The following DHX9 variants were observed in gnomAD, a reference collection of about 807,000 sequenced individuals.
The protein encoded by DHX9 is ATP-dependent RNA helicase A.
In DHX9, 27 loss-of-function variants were observed where a neutral mutation model predicts 148.7. The ratio of observed to expected loss-of-function variants is 0.18; its 90% CI spans 0.13 to 0.25. The LOEUF (loss-of-function observed/expected upper bound fraction) is 0.25. Ranked by LOEUF, DHX9 falls within the 10% of genes least tolerant of loss-of-function variation. The pLI is 1.00. For synonymous variants in DHX9, 529 were observed against 516.6 expected (o/e 1.02, Z -0.33); for missense variants, 796 against 1,559.6 (o/e 0.51, Z 8.25).
At chr1:182,869,682 C>T (rs934797307) in intron 14 of DHX9, among the ~76,000 whole-genome samples, 3 of 152,214 alleles carry the variant, frequency 2.0e-5, no homozygotes, top group African/African-American at 7.2e-5. Flanking sequence ...GGCATCTCAG[C>T]TCACTGCAAC....
chr1:182,846,303 T>A (rs1668028254), intron 3 of DHX9, among the ~76,000 whole-genome samples: 1 of 151,930 alleles, frequency 6.6e-6, no homozygotes, highest in Admixed American at 6.6e-5. Flanking sequence ...AGTGGCATGA[T>A]CTCGGCTCAC....
chr1:182,883,028 G>A, intron 24 of DHX9, 111 bp from the exon 25 acceptor site: 1 of 682,898 alleles, frequency 1.5e-6, no homozygotes, highest in Non-Finnish European at 2.5e-6. Flanking sequence ...GACAGGTTAT[G>A]TGAAAAGAGT....
chr1:182,840,160 A>G (rs1448517467), intron 1 of DHX9, among the ~76,000 whole-genome samples: 1 of 152,056 alleles, frequency 6.6e-6, no homozygotes, highest in Non-Finnish European at 1.5e-5. Context: ...ACAATATTTC[A>G]CTAGCCCGGG....
intron 15 of DHX9, 103 bp downstream of exon 15, chr1:182,872,596 A>T: frequency 8.0e-7 from 1 of 1,256,628 alleles, no homozygotes; most frequent in Non-Finnish European, 1.1e-6. Flanking sequence ...CTTAAAATAC[A>T]GGACAAATTA....
intron 4 of DHX9, among the ~76,000 whole-genome samples, chr1:182,853,089 G>A (rs796163525): frequency 2.7e-4 from 41 of 151,938 alleles, no homozygotes; most frequent in African/African-American, 9.9e-4. Flanking sequence ...ACCATGCCCG[G>A]CTAATTTTTG....
At chr1:182,860,244 G>A in intron 12 of DHX9, 60 bp downstream of exon 12, 2 of 1,319,280 alleles carry the variant, frequency 1.5e-6, no homozygotes, top group South Asian at 3.4e-5. Context: ...TTCTTTCTTT[G>A]ATTAACTAAT....
At chr1:182,850,546 C>G (rs536852735) in intron 3 of DHX9, among the ~76,000 whole-genome samples, 1 of 149,252 alleles carries the variant, frequency 6.7e-6, no homozygotes, top group South Asian at 2.1e-4. Context: ...AGTGATCTGT[C>G]ATTGCACCAT....
intron 15 of DHX9, among the ~76,000 whole-genome samples, chr1:182,873,696 A>G (rs1182522469): frequency 2.0e-5 from 3 of 152,220 alleles, no homozygotes; most frequent in Non-Finnish European, 4.4e-5. Flanking sequence ...GTTAGTATAC[A>G]TATTTTTTTC....
chr1:182,853,726 A>T (rs12091948), intron 5 of DHX9, among the ~76,000 whole-genome samples: 11,862 of 152,168 alleles, frequency 0.078, 1,232 homozygotes, highest in African/African-American at 0.24. Context: ...AGTAAAAAAA[A>T]GTCTTTAGTA....
chr1:182,872,538 G>T, intron 15 of DHX9, 45 bp downstream of exon 15: 1 of 1,563,580 alleles, frequency 6.4e-7, no homozygotes, highest in Non-Finnish European at 8.7e-7. Flanking sequence ...GTGCAATAGG[G>T]TTTGTATTTT....
At chr1:182,854,480 C>T (rs1668219290) in intron 6 of DHX9, among the ~76,000 whole-genome samples, 1 of 152,082 alleles carries the variant, frequency 6.6e-6, no homozygotes, top group Non-Finnish European at 1.5e-5. Flanking sequence ...TGGTTTGTCC[C>T]TAGTTGATGT....
intron 27 of DHX9, among the ~76,000 whole-genome samples, chr1:182,886,316 C>T (rs1649330491): frequency 1.3e-5 from 2 of 151,944 alleles, no homozygotes; most frequent in African/African-American, 4.8e-5. Flanking sequence ...CTGCCTCAAC[C>T]CCCCGAGCAG....
chr1:182,843,300 G>A lies in DHX9; in HGVS notation c.118G>A (p.Val40Met). 6.3e-7 allele frequency: 1 copy of A among 1,583,110 alleles called. No homozygotes were observed. The highest frequency in any genetic ancestry group is 1.2e-5 in the South Asian group (1 of 85,060). ...NRQKFMCEVQ[V>M]EGYNYTGMGN... Reference sequence around the variant, plus strand: ...CTTTTTTTTTTTTTTAAAGGTTCAGGTGGAAGGTTATAATTACACTGGCAT... The same window carrying A: ...CTTTTTTTTTTTTTTAAAGGTTCAGATGGAAGGTTATAATTACACTGGCAT... Residue 40 changes from valine (V) to methionine (M), a missense_variant, in exon 3 of 28, where the codon GTG becomes ATG. Coordinates refer to ENST00000367549, the MANE Select transcript of DHX9 (RefSeq NM_001357.5).
rs1557979170 is a variant in DHX9 at position 182,880,594 on chromosome 1, G to T, written c.2610G>T (p.Met870Ile). 6.2e-7 allele frequency: 1 copy of T among 1,610,820 alleles called. No homozygotes were observed. The highest frequency in any genetic ancestry group is 8.5e-7 in the Non-Finnish European group (1 of 1,177,234). ...CTCGTTTTGGCAAAATGATGATAAT[G>T]GGGTGTATTTTCTAGTAAGTGCTTT... ...IEPRFGKMMI[M>I]GCIFYVGDAI... Residue 870 changes from methionine to isoleucine, a missense_variant, in exon 22 of 28, where the codon ATG (methionine) becomes ATT (isoleucine). This residue lies in a region of DHX9 where 122 missense variants were observed against 289.3 expected (regional missense o/e 0.42). Transcript: ENST00000367549.
At chr1:182,854,500 C>T (rs992030285) in intron 6 of DHX9, among the ~76,000 whole-genome samples, 6 of 152,040 alleles carry the variant, frequency 3.9e-5, no homozygotes, top group Non-Finnish European at 7.4e-5. Context: ...TAAAAGCCAG[C>T]CAAAGGTGGT....
intron 1 of DHX9, among the ~76,000 whole-genome samples, chr1:182,840,656 C>T (rs982969693): frequency 3.3e-5 from 5 of 152,216 alleles, no homozygotes; most frequent in Non-Finnish European, 7.3e-5. Flanking sequence ...TTCTTTGTCT[C>T]AGTTTCCCCT....
intron 14 of DHX9, among the ~76,000 whole-genome samples, chr1:182,867,777 C>T (rs1279479956): frequency 1.3e-5 from 2 of 152,110 alleles, no homozygotes; most frequent in Admixed American, 6.5e-5. Context: ...AGAATCATGC[C>T]AAAAATTAGG....
Position 182,860,006 on chromosome 1 carries a change from G to A in DHX9, c.1154G>A (p.Arg385Lys), listed in dbSNP as rs765066675. Residue 385 changes from arginine (R) to lysine (K), a missense_variant, in exon 12 of 28, where the codon AGA (arginine) becomes AAA (lysine). By Grantham distance (26) the Arg-to-Lys change is conservative. Transcript: ENST00000367549. ...DHDLQAILQERELLPVKKFES... is the reference protein window; with the variant it reads ...DHDLQAILQEKELLPVKKFES... ...TTTCTAATGCAGATCTTGCAGGAGA[G>A]AGAGTTACTGCCTGTGAAGAAATTT... is the stretch of plus-strand genomic sequence containing the variant. 3.7e-6 allele frequency: 6 copies of A among 1,611,638 alleles called. No homozygotes were observed. In the Admixed American group the frequency reaches 1.0e-4, roughly 27 times the overall value.
At chr1:182,855,989 C>G (rs1346017119) in intron 6 of DHX9, among the ~76,000 whole-genome samples, 1 of 152,162 alleles carries the variant, frequency 6.6e-6, no homozygotes, top group Non-Finnish European at 1.5e-5. Flanking sequence ...AGTTTTTTGT[C>G]ATCCAGGGCT....
Sources: gnomAD v4.1 joint callset for allele counts (sites outside exome capture counted in the v4.1 genomes callset) on GRCh38, gnomAD v4.1.1 for gene constraint, gnomAD v4.1.1 regional missense constraint, MANE v1.5 for transcripts, NCBI Gene and HGNC (gene_info 2026-07-23, HGNC 2026-07-21) for gene names.